MAPKAPK2: variants seen among roughly 807,000 people sequenced by gnomAD.
MAPKAPK2 encodes the protein MAPK activated protein kinase 2, also known as MAP kinase-activated protein kinase 2.
A neutral mutation model predicts 48.8 loss-of-function variants in MAPKAPK2; 9 were observed. That is an observed-to-expected ratio of 0.18 (90% CI 0.11 to 0.32). The LOEUF (loss-of-function observed/expected upper bound fraction) is 0.32, where lower values mean the gene tolerates loss of function less well. Among genes scored for constraint, MAPKAPK2 ranks in the 10% least tolerant of loss-of-function variants. The probability of loss-of-function intolerance (pLI) is 1.00; values close to 1 mark genes in which losing one functional copy is unlikely to be tolerated. For synonymous variants in MAPKAPK2, 202 were observed against 190.6 expected (o/e 1.06, Z -0.49); for missense variants, 331 against 498.3 (o/e 0.66, Z 3.20).
Position 206,732,061 on chromosome 1 carries a change from C to A in MAPKAPK2, c.1059+142C>A. The stretch of plus-strand genomic sequence containing the variant: ...AGGGGTGTCTTCATGACAAGAACAG[C>A]GACCAGGCCACTTGGCTGACCAGGT... On this transcript the variant is annotated intron_variant, in intron 9 of 9. Coordinates refer to ENST00000367103, the MANE Select transcript of MAPKAPK2 (RefSeq NM_032960.4). This position sits in a 1 kb window ranked among gnomAD's most constrained non-coding sequence, Gnocchi z 4.4. 1 of 1,614,142 alleles carries A rather than the reference C, an allele frequency of 6.2e-7. No individual in the cohort carries two copies. Among genetic ancestry groups the A allele is most frequent in the South Asian group, 1.1e-5 (1 of 91,084 alleles).
At chr1:206,714,393 A>C (rs1673254947) in intron 1 of MAPKAPK2, among the ~76,000 whole-genome samples, 2 of 152,100 alleles carry the variant, frequency 1.3e-5, no homozygotes. Context: ...GATGGTTCAG[A>C]TTATGATTTG....
intron 1 of MAPKAPK2, chr1:206,695,961 G>T (rs1320080747): frequency 6.0e-5 from 43 of 714,874 alleles, no homozygotes; most frequent in Non-Finnish European, 1.8e-5. Flanking sequence ...AGGTCCAGGG[G>T]TCTTGGTTCT....
intron 1 of MAPKAPK2, among the ~76,000 whole-genome samples, chr1:206,688,613 A>G (rs1355262805): frequency 6.6e-6 from 1 of 152,158 alleles, no homozygotes; most frequent in Non-Finnish European, 1.5e-5. Context: ...TATTTTTTGT[A>G]CAAGAACATG....
In MAPKAPK2 at chr1:206,691,482, GATATATATAT is replaced by G. The variant is rs56752335; in HGVS notation, c.279+5988_279+5997del. On this transcript the variant is annotated intron_variant, in intron 1 of 9. Coordinates refer to ENST00000367103, the MANE Select transcript of MAPKAPK2 (RefSeq NM_032960.4). Reference sequence around the variant, plus strand: ...AAAATACTGGTATTTTGTATTTTAAGATATATATATATATATATATATACACACATACACA... The same window carrying G: ...AAAATACTGGTATTTTGTATTTTAAGATATATATATATACACACATACACA... Among the ~76,000 whole-genome samples the G allele has an allele frequency of 7.8e-4, 60 of 77,296 alleles. 3 individuals are homozygous for G. The highest frequency in any genetic ancestry group is 2.6e-3 in the South Asian group (5 of 1,950). The allele number at this position is 77,296 out of a possible 152,430, so 50.7% of individuals were successfully genotyped here. A position where few individuals can be genotyped will look rare whatever the true frequency, so the allele number is the denominator to read the frequency against.
intron 1 of MAPKAPK2, among the ~76,000 whole-genome samples, chr1:206,700,665 C>T (rs1672768651): frequency 6.6e-6 from 1 of 152,198 alleles, no homozygotes; most frequent in Admixed American, 6.5e-5. Flanking sequence ...TACAGATGAT[C>T]TATTTTCCTG....
rs1196700564 is a variant in MAPKAPK2, at chr1:206,685,082, G to A, written c.-148G>A. On this transcript the variant is annotated 5_prime_UTR_variant, in exon 1 of 10. Coordinates refer to ENST00000367103, the MANE Select transcript of MAPKAPK2 (RefSeq NM_032960.4). ...GACCCACGGAGCCCCGCGACCCGCCGAGCCTGGAGCCGGGCCGGGTCGGGG... is the reference window on the plus strand; with the variant it reads ...GACCCACGGAGCCCCGCGACCCGCCAAGCCTGGAGCCGGGCCGGGTCGGGG... 1.1e-5 allele frequency: 2 copies of A among 187,132 alleles called. No individual in the cohort carries two copies. The highest frequency in any genetic ancestry group is 2.2e-5 in the Non-Finnish European group (2 of 92,900). The allele number at this position is 187,132 out of a possible 1,614,324, so 11.6% of individuals were successfully genotyped here. A position where few individuals can be genotyped will look rare whatever the true frequency, so the allele number is the denominator to read the frequency against.
chr1:206,685,949 T>A (rs1672275398), intron 1 of MAPKAPK2, among the ~76,000 whole-genome samples: 1 of 152,158 alleles, frequency 6.6e-6, no homozygotes, highest in Admixed American at 6.5e-5. Context: ...TCGGTTGGTT[T>A]GGAGAAGTCG....
chr1:206,686,747 T>C (rs1672299120), intron 1 of MAPKAPK2, among the ~76,000 whole-genome samples: 1 of 152,240 alleles, frequency 6.6e-6, no homozygotes. Flanking sequence ...GAAACACCAG[T>C]ACTTCGGGGT....
intron 1 of MAPKAPK2, among the ~76,000 whole-genome samples, chr1:206,702,836 C>G (rs1288691677): frequency 6.6e-6 from 1 of 152,198 alleles, no homozygotes; most frequent in Non-Finnish European, 1.5e-5. Flanking sequence ...TTGGATCTTA[C>G]ATTTGCTTAT....
chr1:206,725,736 G>A (rs1199581674), intron 1 of MAPKAPK2, among the ~76,000 whole-genome samples: 1 of 152,078 alleles, frequency 6.6e-6, no homozygotes, highest in East Asian at 1.9e-4. Context: ...TCTCCTCTGG[G>A]CTCCAGTTCC....
At chr1:206,692,337 G>A (rs1672488517) in intron 1 of MAPKAPK2, among the ~76,000 whole-genome samples, 1 of 152,228 alleles carries the variant, frequency 6.6e-6, no homozygotes, top group Non-Finnish European at 1.5e-5. Context: ...TTTACATTCA[G>A]GTGACCCTCA....
intron 1 of MAPKAPK2, among the ~76,000 whole-genome samples, chr1:206,703,505 A>C (rs1334386067): frequency 6.6e-6 from 1 of 152,184 alleles, no homozygotes; most frequent in Non-Finnish European, 1.5e-5. Flanking sequence ...TTCCTTAGAA[A>C]GGGCTGTCTG....
intron 1 of MAPKAPK2, 64 bp from the exon 2 acceptor site, chr1:206,728,646 G>T: frequency 6.4e-7 from 1 of 1,561,848 alleles, no homozygotes; most frequent in Non-Finnish European, 8.7e-7. Context: ...AGGGCATGTG[G>T]GCCAGGGGCT....
chr1:206,697,214 C>T (rs1672657811), intron 1 of MAPKAPK2, among the ~76,000 whole-genome samples: 1 of 152,198 alleles, frequency 6.6e-6, no homozygotes, highest in Non-Finnish European at 1.5e-5. Flanking sequence ...TTTCCTACAG[C>T]TCCTGGCATT....
intron 1 of MAPKAPK2, among the ~76,000 whole-genome samples, chr1:206,688,629 T>C (rs1318243661): frequency 1.3e-5 from 2 of 152,090 alleles, no homozygotes; most frequent in Non-Finnish European, 2.9e-5. Flanking sequence ...ACATGGGAAT[T>C]CTATTATTTT....
intron 1 of MAPKAPK2, among the ~76,000 whole-genome samples, chr1:206,686,610 C>T (rs1672296217): frequency 6.6e-6 from 1 of 152,148 alleles, no homozygotes; most frequent in South Asian, 2.1e-4. Flanking sequence ...GAGAAAAATA[C>T]TTCCTGTGTT....
chr1:206,708,264 CCTG>C (rs1241659843), intron 1 of MAPKAPK2, among the ~76,000 whole-genome samples: 20 of 152,370 alleles, frequency 1.3e-4, no homozygotes, highest in African/African-American at 4.3e-4. Flanking sequence ...GCGCTTTCCT[CCTG>C]TGACCTCCCA....
chr1:206,728,623 C>T lies in MAPKAPK2; in HGVS notation c.280-87C>T, dbSNP rs536612458. 790 of 1,489,722 alleles carry T rather than the reference C, an allele frequency of 5.3e-4. 1 individual carries two copies. The highest frequency in any genetic ancestry group is 6.9e-4 in the Non-Finnish European group (759 of 1,098,522). 92.3% of individuals were successfully genotyped at this position (1,489,722 alleles called of 1,614,324 possible). A position where few individuals can be genotyped will look rare whatever the true frequency, so the allele number is the denominator to read the frequency against. On this transcript the variant is annotated intron_variant, in intron 1 of 9. Coordinates refer to ENST00000367103, the MANE Select transcript of MAPKAPK2 (RefSeq NM_032960.4). ...CAGGAGTGGGGGGTTTGTGGTATGT[C>T]GGTGGCGATGTCAGGGCATGTGGGC...
intron 1 of MAPKAPK2, among the ~76,000 whole-genome samples, chr1:206,720,172 A>G (rs1295984464): frequency 6.6e-6 from 1 of 152,234 alleles, no homozygotes; most frequent in Non-Finnish European, 1.5e-5. Context: ...AGGGCCTGAG[A>G]CGTGGATGGC....
Sources: gnomAD v4.1 joint callset for allele counts (sites outside exome capture counted in the v4.1 genomes callset) on GRCh38, gnomAD v4.1.1 for gene constraint, Gnocchi (gnomAD v3.1) non-coding constraint, MANE v1.5 for transcripts, NCBI Gene and HGNC (gene_info 2026-07-23, HGNC 2026-07-21) for gene names.